MORN1: variants seen among roughly 807,000 people sequenced by gnomAD.
MORN1 encodes the protein MORN repeat containing 1, also known as MORN repeat-containing protein 1.
A neutral mutation model predicts 61.9 loss-of-function variants in MORN1; 67 were observed. The observed-to-expected ratio is 1.08, with a 90% CI of 0.89 to 1.33. MORN1 has a LOEUF of 1.33. Ranked by LOEUF, MORN1 falls within the 40% of genes most tolerant of loss-of-function variation. The pLI is 0.00. For synonymous variants in MORN1, 301 were observed against 292.0 expected, an observed-to-expected ratio of 1.03 and a Z score of -0.31; for missense variants, 752 against 691.2, an observed-to-expected ratio of 1.09 and a Z score of -0.99.
In MORN1 at chr1:2,357,571, C is replaced by A. The variant is rs2100304284; in HGVS notation, c.897G>T (p.Val299=). ...CCGGCACCCCAGCTGCGGGGCTGGA[C>A]ACAGGATAAGGGATGCATTCGAACC... is the stretch of plus-strand genomic sequence containing the variant. ...PFGFECIPYP[V]SSPAAGVPGP... is the part of the protein sequence containing the mutation. Residue 299 remains valine, a synonymous_variant, in exon 10 of 14, where the codon GTG becomes GTT. Transcript: ENST00000378531. This position sits in a 1 kb window ranked among gnomAD's most constrained non-coding sequence, Gnocchi z 6.3. 1.2e-6 allele frequency: 2 copies of A among 1,609,990 alleles called. No individual in the cohort carries two copies. Among genetic ancestry groups the A allele is most frequent in the East Asian group, 2.2e-5 (1 of 44,794 alleles).
chr1:2,358,735 G>A lies in MORN1; in HGVS notation c.746-20C>T. On this transcript the variant is annotated intron_variant, in intron 8 of 13. Coordinates refer to ENST00000378531, the MANE Select transcript of MORN1 (RefSeq NM_024848.3). ...TCTCGCCTTCCAGGAGAGAGGAGCA[G>A]GCAGTGAACACTCACAGGCACCCAG... The A allele has an allele frequency of 6.3e-7, 1 of 1,599,700 alleles. No individual in the cohort carries two copies. The highest frequency in any genetic ancestry group is 8.5e-7 in the Non-Finnish European group (1 of 1,172,234).
chr1:2,389,217 C>T (rs552000593), intron 2 of MORN1, among the ~76,000 whole-genome samples: 10 of 152,246 alleles, frequency 6.6e-5, no homozygotes, highest in East Asian at 1.9e-4. Flanking sequence ...CAAAGGTTCA[C>T]GGCACTTGCC....
chr1:2,332,464 C>T (rs546455072), intron 12 of MORN1: 2 of 376,030 alleles, frequency 5.3e-6, no homozygotes, highest in East Asian at 7.3e-5. Context: ...GCCCCGGACT[C>T]ACTGCTTCTC....
chr1:2,324,291 G>A, intron 12 of MORN1, 148 bp from the exon 13 acceptor site: 1 of 760,068 alleles, frequency 1.3e-6, no homozygotes, highest in Non-Finnish European at 2.1e-6. Flanking sequence ...CGGGGCCATG[G>A]GCAGGACGGG....
intron 12 of MORN1, among the ~76,000 whole-genome samples, chr1:2,327,508 AG>A (rs1316680438): frequency 1.0e-5 from 1 of 97,848 alleles, no homozygotes; most frequent in Non-Finnish European, 1.9e-5. Flanking sequence ...AAACAAACAC[AG>A]AGACACAGAC....
At chr1:2,343,353 C>T (rs1018902696) in intron 10 of MORN1, among the ~76,000 whole-genome samples, 15 of 152,302 alleles carry the variant, frequency 9.8e-5, no homozygotes, top group African/African-American at 2.6e-4. Context: ...CTGCCAGAGC[C>T]GCTGGGCCCT....
intron 12 of MORN1, among the ~76,000 whole-genome samples, chr1:2,333,052 G>A (rs1641193639): frequency 6.6e-6 from 1 of 152,252 alleles, no homozygotes; most frequent in Non-Finnish European, 1.5e-5. Flanking sequence ...TAAAAACACG[G>A]AACCCAGGAA....
chr1:2,374,892 T>C (rs1642201026), intron 6 of MORN1: 1 of 257,198 alleles, frequency 3.9e-6, no homozygotes, highest in African/African-American at 2.2e-5. Flanking sequence ...ACAAAGATAT[T>C]GTGTTTGTGG....
chr1:2,375,071 C>T (rs1032358081), intron 6 of MORN1: 2 of 152,498 alleles, frequency 1.3e-5, no homozygotes, highest in African/African-American at 2.4e-5. Context: ...GTTCGCTGTA[C>T]ACCCCAACTC....
chr1:2,346,945 G>A (rs754995021), intron 10 of MORN1, among the ~76,000 whole-genome samples: 30 of 152,324 alleles, frequency 2.0e-4, no homozygotes, highest in Non-Finnish European at 2.6e-4. Flanking sequence ...CCACCGTCCC[G>A]CTGGCCAGGG....
At chr1:2,360,989 T>A (rs1641880188) in intron 8 of MORN1, among the ~76,000 whole-genome samples, 1 of 152,162 alleles carries the variant, frequency 6.6e-6, no homozygotes, top group African/African-American at 2.4e-5. Flanking sequence ...GTCACTGAAC[T>A]GTGCCCCAGA....
chr1:2,360,411 G>A (rs1220021855), intron 8 of MORN1, among the ~76,000 whole-genome samples: 1 of 152,208 alleles, frequency 6.6e-6, no homozygotes, highest in African/African-American at 2.4e-5. Flanking sequence ...ACTCAGGACA[G>A]ATCCTTGAAA....
rs1018403071 is a variant in MORN1, at chr1:2,391,513, G to A, written c.21C>T (p.Gly7=). Residue 7 remains glycine (G), a synonymous_variant, in exon 1 of 14, where the codon GGC becomes GGT. Transcript: ENST00000378531. ...GACGCGGCCCGCGGGAGCTCGGGGT[G>A]CCCTCGCCCGCCGCTGCCATCTTGC... MAAAGE[G]TPSSRGPRRD... 18 of 1,249,166 alleles carry A rather than the reference G, an allele frequency of 1.4e-5. No individual in the cohort carries two copies. Among genetic ancestry groups the A allele is most frequent in the East Asian group, 6.3e-5 (2 of 31,704 alleles). The allele number at this position is 1,249,166 out of a possible 1,614,324, so 77.4% of individuals were successfully genotyped here. A position where few individuals can be genotyped will look rare whatever the true frequency, so the allele number is the denominator to read the frequency against.
At position 2,335,828 on chromosome 1, in the gene MORN1, T is replaced by TAGCCCGGCCC. The variant is rs138508948; in HGVS notation, c.1250+640_1250+641insGGGCCGGGCT. ...ATCAGCGGGGGCCTCCTCGCCTCCA[T>TAGCCCGGCCC]AGCCCAGCCCAGCCCAGCGCGCAGC... On this transcript the variant is annotated intron_variant, in intron 12 of 13. Coordinates refer to ENST00000378531, the MANE Select transcript of MORN1 (RefSeq NM_024848.3). Among the ~76,000 whole-genome samples, 12 of 143,014 alleles carry TAGCCCGGCCC rather than the reference T, an allele frequency of 8.4e-5. 1 individual carries two copies. The highest frequency in any genetic ancestry group is 3.7e-4 in the African/African-American group (12 of 32,826). 93.8% of individuals were successfully genotyped at this position (143,014 alleles called of 152,430 possible).
At chr1:2,383,393 A>G (rs899631003) in intron 6 of MORN1, among the ~76,000 whole-genome samples, 3 of 151,756 alleles carry the variant, frequency 2.0e-5, no homozygotes, top group African/African-American at 2.4e-5. Context: ...CCTCTCTACC[A>G]CCTGGGCTGG....
intron 13 of MORN1, chr1:2,323,296 C>T (rs575161844): frequency 2.2e-4 from 215 of 985,418 alleles, no homozygotes; most frequent in Middle Eastern, 1.0e-3. Flanking sequence ...CTTGTTCTCC[C>T]GCTGCGCCAG....
chr1:2,390,813 A>G (rs1642635423), intron 1 of MORN1: 1 of 916,200 alleles, frequency 1.1e-6, no homozygotes, highest in Non-Finnish European at 1.3e-6. Context: ...CAGCGGCGCG[A>G]TCTCGGCTCT....
chr1:2,380,943 T>C (rs1642357851), intron 6 of MORN1, among the ~76,000 whole-genome samples: 1 of 152,198 alleles, frequency 6.6e-6, no homozygotes. Flanking sequence ...GCTCTCGGGA[T>C]GTGCGGCCTG....
chr1:2,374,224 C>T (rs993632590), intron 7 of MORN1, among the ~76,000 whole-genome samples: 4 of 152,212 alleles, frequency 2.6e-5, no homozygotes, highest in Admixed American at 6.5e-5. Flanking sequence ...GCAGCCATGA[C>T]GAGGCCACCC....
Sources: gnomAD v4.1 joint callset for allele counts (sites outside exome capture counted in the v4.1 genomes callset) on GRCh38, gnomAD v4.1.1 for gene constraint, Gnocchi (gnomAD v3.1) non-coding constraint, MANE v1.5 for transcripts, NCBI Gene and HGNC (gene_info 2026-07-23, HGNC 2026-07-21) for gene names.